PSMD8: variants seen among roughly 807,000 people sequenced by gnomAD.
PSMD8 encodes the protein proteasome 26S subunit, non-ATPase 8.
A neutral mutation model predicts 40.0 loss-of-function variants in PSMD8; 30 were observed. The ratio of observed to expected loss-of-function variants is 0.75; its 90% CI spans 0.56 to 1.02. PSMD8 has a LOEUF of 1.02. Ranked by LOEUF, PSMD8 falls within the 50% of genes least tolerant of loss-of-function variation. The pLI is 0.00. For synonymous variants in PSMD8, 208 were observed against 192.5 expected (o/e 1.08, Z -0.67); for missense variants, 461 against 463.9 (o/e 0.99, Z 0.06).
Position 38,374,751 on chromosome 19 carries a change from C to T in PSMD8, c.150C>T (p.Arg50=). The T allele has an allele frequency of 6.4e-7, 1 of 1,558,184 alleles. No homozygotes were observed. The change falls in exon 1 of 7, where the codon CGC becomes CGT. Residue 50 remains arginine (R), a synonymous_variant. Transcript: ENST00000215071. ...HFRRASVCRR[R]CRKSGGLLAA... ...GCCGGGCAAGCGTTTGTAGGCGGCG[C>T]TGCCGTAAATCAGGCGGTCTGCTTG...
chr19:38,378,877 C>T (rs541222402), intron 3 of PSMD8, among the ~76,000 whole-genome samples: 5 of 151,760 alleles, frequency 3.3e-5, no homozygotes, highest in Non-Finnish European at 5.9e-5. Context: ...CGCTTGAACC[C>T]GGCAAGCGGA....
rs559958208 is a variant in PSMD8, at chr19:38,376,418, A to G, written c.500A>G (p.Tyr167Cys). Residue 167 changes from tyrosine (Y) to cysteine (C), a missense_variant, in exon 3 of 7, where the codon TAC becomes TGC. By Grantham distance (194) the Tyr-to-Cys change is radical. Transcript: ENST00000215071. ...AAGGACATCCCCTCCTTCGAGCGCT[A>G]CATGGCCCAGCTCAAATGCTACTAC... Reference protein sequence around the residue: ...LRKDIPSFERYMAQLKCYYFD... With the variant: ...LRKDIPSFERCMAQLKCYYFD... The G allele has an allele frequency of 1.3e-6, 2 of 1,552,332 alleles. No homozygotes were observed. The highest frequency in any genetic ancestry group is 2.4e-5 in the South Asian group (2 of 84,094).
At chr19:38,382,016 G>A (rs1050920544) in intron 5 of PSMD8, 101 bp from the exon 6 acceptor site, 21 of 775,776 alleles carry the variant, frequency 2.7e-5, no homozygotes, top group South Asian at 1.4e-4. Context: ...TGCCATCAGT[G>A]CTGAACTCCA....
In PSMD8 at chr19:38,376,149, C is replaced by CT; in HGVS notation, c.361-10dup. ...TTCTTTTCTTTCTTCCCTCCCTCCC[C>CT]TCCCCATCAGCTAGTTCTTCTGGAG... is the stretch of plus-strand genomic sequence containing the variant. On this transcript the variant is annotated splice_polypyrimidine_tract_variant and intron_variant, in intron 1 of 6. Coordinates refer to ENST00000215071, the MANE Select transcript of PSMD8 (RefSeq NM_002812.5). 6.3e-7 allele frequency: 1 copy of CT among 1,594,286 alleles called. No homozygotes were observed. The highest frequency in any genetic ancestry group is 8.6e-7 in the Non-Finnish European group (1 of 1,165,034).
At chr19:38,381,052 C>A (rs140149301) in intron 5 of PSMD8, 53 bp downstream of exon 5, 1 of 1,347,452 alleles carries the variant, frequency 7.4e-7, no homozygotes, top group South Asian at 1.4e-5. Flanking sequence ...GGGCTTGAGT[C>A]GGACAGCTCC....
rs925436421 is a variant in PSMD8, at chr19:38,383,624, T to C, written c.*234T>C. Reference sequence around the variant, plus strand: ...TGTCTGGTGGGCATTGCTCAGGGTCTCAAACATGGACGCCCACTGTGGGGC... The same window carrying C: ...TGTCTGGTGGGCATTGCTCAGGGTCCCAAACATGGACGCCCACTGTGGGGC... On this transcript the variant is annotated 3_prime_UTR_variant, in exon 7 of 7. Transcript: ENST00000215071. 19 of 579,232 alleles carry C rather than the reference T, an allele frequency of 3.3e-5. No homozygotes were observed. The highest frequency in any genetic ancestry group is 5.4e-5 in the Non-Finnish European group (18 of 334,500). 35.9% of individuals were successfully genotyped at this position (579,232 alleles called of 1,614,324 possible).
At chr19:38,379,472 C>G (rs1389357367) in intron 4 of PSMD8, 67 bp downstream of exon 4, 1 of 1,545,984 alleles carries the variant, frequency 6.5e-7, no homozygotes, top group African/African-American at 1.4e-5. Context: ...CTTAGGAGGG[C>G]TTTCCTGAAG....
chr19:38,382,928 A>G (rs374211659), intron 6 of PSMD8: 17 of 276,772 alleles, frequency 6.1e-5, no homozygotes, highest in South Asian at 3.6e-4. Flanking sequence ...AAAAAAAAAA[A>G]AAGAAGAAGG....
rs938005707 is a variant in PSMD8, at chr19:38,379,958, C to G, written c.702+553C>G. On this transcript the variant is annotated intron_variant, in intron 4 of 6. Coordinates refer to ENST00000215071, the MANE Select transcript of PSMD8 (RefSeq NM_002812.5). ...CCTGGGTGACAGTGAGATTCTGTCT[C>G]TATTTAGAAAATAAATGAATAAAAA... Among the ~76,000 whole-genome samples the G allele has an allele frequency of 4.6e-5, 7 of 152,000 alleles. No individual in the cohort carries two copies. In the East Asian group the frequency reaches 1.4e-3, roughly 29 times the overall value.
chr19:38,374,607 C>A lies in PSMD8; in HGVS notation c.6C>A (p.Phe2Leu). The change falls in exon 1 of 7, where the codon TTC becomes TTA. Residue 2 changes from phenylalanine (F) to leucine (L), a missense_variant. Phe to Leu is a conservative substitution (Grantham distance 22). Coordinates refer to ENST00000215071, the MANE Select transcript of PSMD8 (RefSeq NM_002812.5). M[F>L]IKGRAPRAPP... ...GAGGCGGAGCTCCAACTGACATGTTCATTAAGGGCAGGGCTCCGAGGGCGC... is the reference window on the plus strand; with the variant it reads ...GAGGCGGAGCTCCAACTGACATGTTAATTAAGGGCAGGGCTCCGAGGGCGC... 6.8e-7 allele frequency: 1 copy of A among 1,478,122 alleles called. No individual in the cohort carries two copies. The allele number at this position is 1,478,122 out of a possible 1,614,324, so 91.6% of individuals were successfully genotyped here.
chr19:38,381,896 G>A (rs2074982), intron 5 of PSMD8, among the ~76,000 whole-genome samples: 8,944 of 152,208 alleles, frequency 0.059, 487 homozygotes, highest in East Asian at 0.28. Flanking sequence ...GGGCCCAGGA[G>A]TCAGAGATTT....
At position 38,381,008 on chromosome 19, in the gene PSMD8, C is replaced by G. The variant is rs772659343; in HGVS notation, c.803+9C>G. 6.5e-7 allele frequency: 1 copy of G among 1,549,786 alleles called. No individual in the cohort carries two copies. The highest frequency in any genetic ancestry group is 8.7e-7 in the Non-Finnish European group (1 of 1,145,030). Reference sequence around the variant, plus strand: ...CTGCTCGACACTATCAGGTGCGTAGCGGGGCCGGGCCCTGTGGAGTTTGGA... The same window carrying G: ...CTGCTCGACACTATCAGGTGCGTAGGGGGGCCGGGCCCTGTGGAGTTTGGA... On this transcript the variant is annotated intron_variant, in intron 5 of 6. Coordinates refer to ENST00000215071, the MANE Select transcript of PSMD8 (RefSeq NM_002812.5).
chr19:38,379,078 T>C (rs41300086), intron 3 of PSMD8, among the ~76,000 whole-genome samples, 162 bp from the exon 4 acceptor site: 2 of 152,244 alleles, frequency 1.3e-5, no homozygotes, highest in Non-Finnish European at 2.9e-5. Context: ...AAATGACTTA[T>C]TCATGCATCT....
intron 1 of PSMD8, chr19:38,375,262 G>C: frequency 2.5e-6 from 1 of 401,700 alleles, no homozygotes; most frequent in Non-Finnish European, 4.5e-6. Context: ...GAGCAACATA[G>C]CGAGACTCTG....
At chr19:38,383,201 G>A (rs1970657625) in intron 6 of PSMD8, 52 bp from the exon 7 acceptor site, 1 of 1,609,530 alleles carries the variant, frequency 6.2e-7, no homozygotes, top group Non-Finnish European at 8.5e-7. Context: ...ATAGGGTGGG[G>A]ATGGAGCCTT....
rs865915526 is a variant in PSMD8 at position 38,383,635 on chromosome 19, C to T, written c.*245C>T. Reference sequence around the variant, plus strand: ...CATTGCTCAGGGTCTCAAACATGGACGCCCACTGTGGGGCCCCAGCAGCAC... The same window carrying T: ...CATTGCTCAGGGTCTCAAACATGGATGCCCACTGTGGGGCCCCAGCAGCAC... On this transcript the variant is annotated 3_prime_UTR_variant, in exon 7 of 7. Coordinates refer to ENST00000215071, the MANE Select transcript of PSMD8 (RefSeq NM_002812.5). 57 of 550,126 alleles carry T rather than the reference C, an allele frequency of 1.0e-4. No individual in the cohort carries two copies. The highest frequency in any genetic ancestry group is 1.8e-4 in the Non-Finnish European group (57 of 313,166). The allele number at this position is 550,126 out of a possible 1,614,324, so 34.1% of individuals were successfully genotyped here. A position where few individuals can be genotyped will look rare whatever the true frequency, so the allele number is the denominator to read the frequency against.
rs1970587631 is a variant in PSMD8 at position 38,375,133 on chromosome 19, G to A, written c.360+172G>A. On this transcript the variant is annotated intron_variant, in intron 1 of 6. Transcript: ENST00000215071. ...TTGGAACAGCCAAAGTGGGGGCTCG[G>A]AGGGCGTCAAGAAGCGAGAGAGGGA... The A allele has an allele frequency of 3.5e-6, 4 of 1,143,144 alleles. No homozygotes were observed. In the African/African-American group the frequency reaches 6.3e-5, roughly 18 times the overall value. 70.8% of individuals were successfully genotyped at this position (1,143,144 alleles called of 1,614,324 possible). A position where few individuals can be genotyped will look rare whatever the true frequency, so the allele number is the denominator to read the frequency against.
Position 38,374,781 on chromosome 19 carries a change from A to G in PSMD8, c.180A>G (p.Ala60=), listed in dbSNP as rs778451006. ...RCRKSGGLLA[A]SRKMAAAAVN... The stretch of plus-strand genomic sequence containing the variant: ...GTAAATCAGGCGGTCTGCTTGCCGC[A>G]TCACGCAAGATGGCGGCCGCGGCGG... Residue 60 remains alanine (A), a synonymous_variant, in exon 1 of 7, where the codon GCA becomes GCG. Coordinates refer to ENST00000215071, the MANE Select transcript of PSMD8 (RefSeq NM_002812.5). 4 of 1,571,620 alleles carry G rather than the reference A, an allele frequency of 2.5e-6. No homozygotes were observed. Among genetic ancestry groups the G allele is most frequent in the Middle Eastern group, 1.7e-4 (1 of 5,824 alleles).
At chr19:38,382,753 CA>C (rs748987894) in intron 6 of PSMD8, 10 of 179,264 alleles carry the variant, frequency 5.6e-5, no homozygotes, top group South Asian at 1.3e-4. Context: ...CTAAAAAATA[CA>C]AAAAAAATTA....
Sources: allele counts gnomAD v4.1 joint callset (sites outside exome capture counted in the v4.1 genomes callset), GRCh38; gene constraint gnomAD v4.1.1; transcripts MANE v1.5; gene names NCBI Gene and HGNC (gene_info 2026-07-23, HGNC 2026-07-21).